The following NUDT19 variants were observed in gnomAD, a reference collection of about 807,000 sequenced individuals.
The protein encoded by NUDT19 is nudix hydrolase 19.
A neutral mutation model predicts 22.2 loss-of-function variants in NUDT19; 31 were observed. The observed-to-expected ratio is 1.40, with a 90% CI of 1.05 to 1.89. The LOEUF (loss-of-function observed/expected upper bound fraction) is 1.89. Ranked by LOEUF, NUDT19 falls within the 40% of genes most tolerant of loss-of-function variation. The pLI, the probability that NUDT19 is intolerant of heterozygous loss-of-function variation, is 0.00. For missense variants in NUDT19, 752 were observed against 514.2 expected (o/e 1.46, Z -4.47); for synonymous variants, 325 against 230.8 (o/e 1.41, Z -3.70).
chr19:32,710,441 A>G (rs867368713), intron 2 of NUDT19, among the ~76,000 whole-genome samples: 5 of 148,480 alleles, frequency 3.4e-5, no homozygotes, highest in Non-Finnish European at 7.4e-5. Context: ...AAAAAAAACA[A>G]ATTAGCCAGG....
Position 32,692,386 on chromosome 19 carries a change from G to A in NUDT19, c.426G>A (p.Arg142=), listed in dbSNP as rs753662827. 6.8e-5 allele frequency: 108 copies of A among 1,582,612 alleles called. No individual in the cohort carries two copies. Among genetic ancestry groups the A allele is most frequent in the Non-Finnish European group, 8.3e-5 (97 of 1,172,572 alleles). Residue 142 remains arginine (R), a synonymous_variant, in exon 1 of 3, where the codon CGG becomes CGA. Coordinates refer to ENST00000397061, the MANE Select transcript of NUDT19 (RefSeq NM_001105570.2). ...AGGAGGCGGGCGTGCTGCTGCTGCG[G>A]CCCAGGACTTCCCCACCAGGCCCAG... ...AFEEAGVLLL[R]PRTSPPGPAP...
chr19:32,705,867 G>A (rs1012495465), intron 1 of NUDT19, among the ~76,000 whole-genome samples: 1 of 152,130 alleles, frequency 6.6e-6, no homozygotes, highest in African/African-American at 2.4e-5. Context: ...TTACAGGCAT[G>A]AGCCACTGCA....
At chr19:32,709,673 GAC>G (rs1968425601) in intron 2 of NUDT19, among the ~76,000 whole-genome samples, 1 of 143,870 alleles carries the variant, frequency 7.0e-6, no homozygotes, top group African/African-American at 2.6e-5. Context: ...TTTTTTCTGA[GAC>G]AGTTTCCCTC....
chr19:32,698,127 G>T (rs137856206), intron 1 of NUDT19, among the ~76,000 whole-genome samples: 1,664 of 152,096 alleles, frequency 0.011, 39 homozygotes, highest in African/African-American at 0.038. Flanking sequence ...TGCATACTTG[G>T]GTATTCTCCT....
chr19:32,694,808 T>C (rs1288761353), intron 1 of NUDT19, among the ~76,000 whole-genome samples: 2 of 152,250 alleles, frequency 1.3e-5, no homozygotes, highest in African/African-American at 4.8e-5. Flanking sequence ...GTAAGTACTT[T>C]AAGGTTTGGC....
intron 1 of NUDT19, among the ~76,000 whole-genome samples, chr19:32,695,823 T>C (rs1968256929): frequency 6.6e-6 from 1 of 152,276 alleles, no homozygotes; most frequent in Non-Finnish European, 1.5e-5. Flanking sequence ...TAGATAAGCA[T>C]ACTTGCTATC....
In NUDT19 at chr19:32,712,084, A is replaced by G. The variant is rs1968453481; in HGVS notation, c.*127A>G. The G allele has an allele frequency of 1.4e-6, 1 of 697,662 alleles. No individual in the cohort carries two copies. The highest frequency in any genetic ancestry group is 2.5e-5 in the Admixed American group (1 of 40,702). The allele number at this position is 697,662 out of a possible 1,614,324, so 43.2% of individuals were successfully genotyped here. On this transcript the variant is annotated 3_prime_UTR_variant, in exon 3 of 3. Transcript: ENST00000397061. Reference sequence around the variant, plus strand: ...AGTTACTGCAATTCAGTATTTCTTTATTTTTTTCGAGACAGAGTCTCAATC... The same window carrying G: ...AGTTACTGCAATTCAGTATTTCTTTGTTTTTTTCGAGACAGAGTCTCAATC...
At chr19:32,710,143 C>G (rs1300535698) in intron 2 of NUDT19, among the ~76,000 whole-genome samples, 1 of 151,608 alleles carries the variant, frequency 6.6e-6, no homozygotes, top group East Asian at 2.0e-4. Context: ...TCCCGAGTAG[C>G]TGGAATTACA....
intron 1 of NUDT19, among the ~76,000 whole-genome samples, chr19:32,701,090 TA>T (rs1388884200): frequency 6.6e-6 from 1 of 152,020 alleles, no homozygotes; most frequent in Non-Finnish European, 1.5e-5. Flanking sequence ...GAATATGTTC[TA>T]TCTTGGTGAA....
chr19:32,692,173 C>G lies in NUDT19; in HGVS notation c.213C>G (p.Asp71Glu). The G allele has an allele frequency of 6.5e-7, 1 of 1,540,710 alleles. No individual in the cohort carries two copies. Among genetic ancestry groups the G allele is most frequent in the Non-Finnish European group, 8.7e-7 (1 of 1,153,938 alleles). Residue 71 changes from aspartate (D) to glutamate (E), a missense_variant, in exon 1 of 3, where the codon GAC becomes GAG. Physicochemically the swap from Asp to Glu is conservative, Grantham distance 45. Transcript: ENST00000397061. ...CCGGCGGAGTGCTGGATGCGGCCGACCGCTCGGCGGACTGGCTGGGCCTCT... is the reference window on the plus strand; with the variant it reads ...CCGGCGGAGTGCTGGATGCGGCCGAGCGCTCGGCGGACTGGCTGGGCCTCT... ...VFSGGVLDAA[D>E]RSADWLGLFA...
chr19:32,691,999 G>T lies in NUDT19; in HGVS notation c.39G>T (p.Arg13=). 3.2e-6 allele frequency: 4 copies of T among 1,236,358 alleles called. No individual in the cohort carries two copies. Among genetic ancestry groups the T allele is most frequent in the Non-Finnish European group, 4.0e-6 (4 of 992,408 alleles). 76.6% of individuals were successfully genotyped at this position (1,236,358 alleles called of 1,614,324 possible). A position where few individuals can be genotyped will look rare whatever the true frequency, so the allele number is the denominator to read the frequency against. ...SSLRPGPSRW[R]RAASIVLAAG... ...TGCGGCCGGGCCCCAGCCGCTGGCGGCGGGCGGCCAGCATCGTCCTGGCGG... is the reference window on the plus strand; with the variant it reads ...TGCGGCCGGGCCCCAGCCGCTGGCGTCGGGCGGCCAGCATCGTCCTGGCGG... The change falls in exon 1 of 3, where the codon CGG becomes CGT. Residue 13 remains arginine (R), a synonymous_variant. Transcript: ENST00000397061.
At chr19:32,708,777 T>C (rs1246889202) in intron 1 of NUDT19, among the ~76,000 whole-genome samples, 1 of 152,192 alleles carries the variant, frequency 6.6e-6, no homozygotes, top group African/African-American at 2.4e-5. Context: ...CCTCAGGATC[T>C]AGCCAAGTAC....
chr19:32,700,366 A>G (rs891450087), intron 1 of NUDT19, among the ~76,000 whole-genome samples: 1 of 151,658 alleles, frequency 6.6e-6, no homozygotes, highest in Admixed American at 6.6e-5. Flanking sequence ...TTTACAGAGT[A>G]CTGATTGGTG....
intron 1 of NUDT19, among the ~76,000 whole-genome samples, chr19:32,703,776 C>A (rs142825587): frequency 2.0e-5 from 3 of 148,850 alleles, no homozygotes; most frequent in Admixed American, 6.8e-5. Flanking sequence ...GATTCTCCTG[C>A]CTCAGCCTCC....
In NUDT19 at chr19:32,701,394, C is replaced by T. The variant is rs565944449; in HGVS notation, c.715-7791C>T. 1.1e-3 allele frequency among the ~76,000 whole-genome samples: 170 copies of T among 151,876 alleles called. 1 individual carries two copies. The highest frequency in any genetic ancestry group is 1.4e-3 in the Non-Finnish European group (93 of 67,934). Reference sequence around the variant, plus strand: ...CTAATTTTTGTATTTTTAGTAGGGACGGGTTTCACTGGGTTGGTCAGGCCA... The same window carrying T: ...CTAATTTTTGTATTTTTAGTAGGGATGGGTTTCACTGGGTTGGTCAGGCCA... On this transcript the variant is annotated intron_variant, in intron 1 of 2. Coordinates refer to ENST00000397061, the MANE Select transcript of NUDT19 (RefSeq NM_001105570.2).
Position 32,712,195 on chromosome 19 carries a change from C to T in NUDT19, c.*238C>T. ...GTTCATGCCATTCTCCTGCCTCAGC[C>T]TCCCGAGTAGCTGGGACTACAGGCG... On this transcript the variant is annotated 3_prime_UTR_variant, in exon 3 of 3. Transcript: ENST00000397061. 2.6e-6 allele frequency: 1 copy of T among 378,180 alleles called. No individual in the cohort carries two copies. 23.4% of individuals were successfully genotyped at this position (378,180 alleles called of 1,614,324 possible).
intron 1 of NUDT19, among the ~76,000 whole-genome samples, chr19:32,706,413 G>A (rs1298077215): frequency 6.6e-5 from 10 of 152,140 alleles, no homozygotes; most frequent in African/African-American, 1.9e-4. Flanking sequence ...GGCTGAGCAC[G>A]GTGGCTCATG....
intron 1 of NUDT19, among the ~76,000 whole-genome samples, chr19:32,700,353 G>A (rs1052691797): frequency 6.6e-6 from 1 of 151,768 alleles, no homozygotes; most frequent in Non-Finnish European, 1.5e-5. Flanking sequence ...TGATTGGTGC[G>A]TTTTTACAGA....
chr19:32,693,213 A>G (rs1377419607), intron 1 of NUDT19, among the ~76,000 whole-genome samples: 1 of 152,122 alleles, frequency 6.6e-6, no homozygotes, highest in Admixed American at 6.6e-5. Flanking sequence ...TGGTGTGTCC[A>G]GTTTCTTCCT....
Sources: gnomAD v4.1 joint callset for allele counts (sites outside exome capture counted in the v4.1 genomes callset) on GRCh38, gnomAD v4.1.1 for gene constraint, MANE v1.5 for transcripts, NCBI Gene and HGNC (gene_info 2026-07-23, HGNC 2026-07-21) for gene names.